The following CYTH1 variants were observed in gnomAD, a reference collection of about 807,000 sequenced individuals.
CYTH1 encodes the protein cytohesin 1.
A neutral mutation model predicts 61.8 loss-of-function variants in CYTH1; 18 were observed. The observed-to-expected ratio is 0.29, with a 90% CI of 0.20 to 0.43. The LOEUF (loss-of-function observed/expected upper bound fraction) is 0.43. Among genes scored for constraint, CYTH1 ranks in the 20% least tolerant of loss-of-function variants. The probability of loss-of-function intolerance (pLI) is 1.00; values close to 1 mark genes in which losing one functional copy is unlikely to be tolerated. For missense variants in CYTH1, 336 were observed against 510.5 expected, an observed-to-expected ratio of 0.66 and a Z score of 3.29; for synonymous variants, 174 against 184.3, an observed-to-expected ratio of 0.94 and a Z score of 0.45.
chr17:78,679,579 G>C (rs11657360), intron 13 of CYTH1, among the ~76,000 whole-genome samples: 83,830 of 151,972 alleles, frequency 0.55, 23,183 homozygotes, highest in East Asian at 0.61. Flanking sequence ...CTTGTCACAT[G>C]AGGAAATTTC....
chr17:78,726,002 C>T (rs951608380), intron 1 of CYTH1, among the ~76,000 whole-genome samples: 2 of 151,002 alleles, frequency 1.3e-5, no homozygotes, highest in Admixed American at 1.3e-4. Context: ...AAAACATGAA[C>T]GTTTTAAAAA....
In CYTH1 at chr17:78,682,338, A is replaced by C. The variant is rs28648468; in HGVS notation, c.892-1296T>G. Among the ~76,000 whole-genome samples the C allele has an allele frequency of 3.9e-3, 589 of 152,282 alleles. 3 individuals carry two copies. Among genetic ancestry groups the C allele is most frequent in the African/African-American group, 0.013 (552 of 41,558 alleles). Reference sequence around the variant, plus strand: ...ACCTCTTATCAAAATCTCCTTGCTAATGCTAATTTGTATCAGGCATCCTAT... The same window carrying C: ...ACCTCTTATCAAAATCTCCTTGCTACTGCTAATTTGTATCAGGCATCCTAT... On this transcript the variant is annotated intron_variant, in intron 11 of 13. Coordinates refer to ENST00000446868, the MANE Select transcript of CYTH1 (RefSeq NM_004762.6).
chr17:78,724,026 C>G (rs927336556), intron 1 of CYTH1: 2 of 152,290 alleles, frequency 1.3e-5, no homozygotes, highest in African/African-American at 4.8e-5. Context: ...GCCTCCTACT[C>G]AGTACACTCG....
Position 78,782,102 on chromosome 17 carries a change from C to G in CYTH1, c.22+100G>C, listed in dbSNP as rs907892352. On this transcript the variant is annotated intron_variant, in intron 1 of 13. Coordinates refer to ENST00000446868, the MANE Select transcript of CYTH1 (RefSeq NM_004762.6). ...GGGCTCCGCGTCCCGCACCAGTGTC[C>G]CCGGGAAACGCCAGCCGCCGCAAGC... The G allele has an allele frequency of 7.7e-5, 83 of 1,083,622 alleles. No individual in the cohort carries two copies. The African/African-American group carries it at 1.3e-3, about 17-fold the overall frequency. The allele number at this position is 1,083,622 out of a possible 1,614,324, so 67.1% of individuals were successfully genotyped here.
intron 11 of CYTH1, 158 bp from the exon 12 acceptor site, chr17:78,681,200 A>G (rs1234080605): frequency 7.4e-6 from 5 of 671,308 alleles, no homozygotes; most frequent in Non-Finnish European, 1.0e-5. Context: ...AAACAAGAAT[A>G]ACACCAAAAA....
At position 78,782,182 on chromosome 17, in the gene CYTH1, C is replaced by T. The variant is rs2093521773; in HGVS notation, c.22+20G>A. ...TGGGGGACAGCGAGGGGGAAGCGTCCGCCGCCGGGGCGCACTGACCGTAGC... is the reference window on the plus strand; with the variant it reads ...TGGGGGACAGCGAGGGGGAAGCGTCTGCCGCCGGGGCGCACTGACCGTAGC... On this transcript the variant is annotated intron_variant, in intron 1 of 13. Transcript: ENST00000446868. 2 of 1,360,820 alleles carry T rather than the reference C, an allele frequency of 1.5e-6. No homozygotes were observed. Among genetic ancestry groups the T allele is most frequent in the Non-Finnish European group, 9.6e-7 (1 of 1,042,486 alleles). The allele number at this position is 1,360,820 out of a possible 1,614,324, so 84.3% of individuals were successfully genotyped here.
intron 1 of CYTH1, among the ~76,000 whole-genome samples, chr17:78,772,233 G>C (rs925320608): frequency 2.0e-5 from 3 of 152,042 alleles, no homozygotes; most frequent in Admixed American, 2.0e-4. Flanking sequence ...AAGCAGACTC[G>C]ACCAGACTCG....
intron 1 of CYTH1, among the ~76,000 whole-genome samples, chr17:78,758,904 G>A (rs1179693150): frequency 1.3e-5 from 2 of 151,998 alleles, no homozygotes; most frequent in Non-Finnish European, 2.9e-5. Flanking sequence ...TGTGCGATGT[G>A]TACTAATCTG....
At chr17:78,741,854 G>A (rs1280357495) in intron 1 of CYTH1, among the ~76,000 whole-genome samples, 1 of 152,188 alleles carries the variant, frequency 6.6e-6, no homozygotes, top group East Asian at 1.9e-4. Flanking sequence ...AGGAAGTAGA[G>A]CTGGAGGCAA....
At chr17:78,763,012 TGTCC>T (rs1443977986) in intron 1 of CYTH1, among the ~76,000 whole-genome samples, 1 of 152,164 alleles carries the variant, frequency 6.6e-6, no homozygotes, top group East Asian at 1.9e-4. Flanking sequence ...ACAATGGAAA[TGTCC>T]GTCCGGCTGC....
In CYTH1 at chr17:78,700,084, T is replaced by C. The variant is rs986296580; in HGVS notation, c.550+247A>G. 1.3e-5 allele frequency among the ~76,000 whole-genome samples: 2 copies of C among 152,210 alleles called. No individual in the cohort carries two copies. The highest frequency in any genetic ancestry group is 2.9e-5 in the Non-Finnish European group (2 of 68,036). On this transcript the variant is annotated intron_variant, in intron 7 of 13. Coordinates refer to ENST00000446868, the MANE Select transcript of CYTH1 (RefSeq NM_004762.6). This position sits in a 1 kb window ranked among gnomAD's most constrained non-coding sequence, Gnocchi z 5.1. The stretch of plus-strand genomic sequence containing the variant: ...TGCTGACATTACCAGTGTGAGCCAC[T>C]GCATGCAGCTAAAACATGGTTTTTA...
At chr17:78,771,728 T>C (rs1344292502) in intron 1 of CYTH1, among the ~76,000 whole-genome samples, 1 of 145,344 alleles carries the variant, frequency 6.9e-6, no homozygotes, top group Non-Finnish European at 1.5e-5. Context: ...AGATTCCATC[T>C]TAAAAAAAAA....
intron 1 of CYTH1, among the ~76,000 whole-genome samples, chr17:78,738,366 C>G (rs1286604271): frequency 1.3e-5 from 2 of 152,198 alleles, no homozygotes; most frequent in African/African-American, 4.8e-5. Flanking sequence ...TCCTCCGCAC[C>G]CTGCTCTCTG....
intron 1 of CYTH1, among the ~76,000 whole-genome samples, chr17:78,774,836 T>C (rs1250295012): frequency 6.6e-6 from 1 of 152,202 alleles, no homozygotes; most frequent in Non-Finnish European, 1.5e-5. Flanking sequence ...ACATGTGAAA[T>C]GTTCCCAAAT....
At chr17:78,722,726 A>G (rs997958515) in intron 1 of CYTH1, among the ~76,000 whole-genome samples, 2 of 152,166 alleles carry the variant, frequency 1.3e-5, no homozygotes, top group Non-Finnish European at 2.9e-5. Context: ...ATTCTCCCTC[A>G]GTCTGACAGC....
chr17:78,753,821 T>C (rs1176485109), intron 1 of CYTH1, among the ~76,000 whole-genome samples: 1 of 152,218 alleles, frequency 6.6e-6, no homozygotes, highest in Non-Finnish European at 1.5e-5. Context: ...AATTAAAATC[T>C]TAGTTCCAAA....
intron 1 of CYTH1, among the ~76,000 whole-genome samples, chr17:78,776,658 C>CAAAAAA (rs1179473215): frequency 2.3e-5 from 2 of 88,336 alleles, no homozygotes; most frequent in East Asian, 6.0e-4. Flanking sequence ...GACTCTGTCT[C>CAAAAAA]AAAAAAAAAA....
intron 1 of CYTH1, among the ~76,000 whole-genome samples, chr17:78,774,133 T>C (rs7220565): frequency 0.019 from 2,959 of 152,352 alleles, 93 homozygotes; most frequent in African/African-American, 0.066. Context: ...CGTGTACTGA[T>C]ACATTGCTAA....
Position 78,698,832 on chromosome 17 carries a change from C to T in CYTH1, c.687G>A (p.Glu229=), listed in dbSNP as rs1339878221. ...RGINDGGDLP[E]ELLRNLYESI... is the part of the protein sequence containing the mutation. Reference sequence around the variant, plus strand: ...CTTCCTTGCTTACCCGGAGGAGCTCCTCCGGCAGGTCTCCCCCATCATTGA... The same window carrying T: ...CTTCCTTGCTTACCCGGAGGAGCTCTTCCGGCAGGTCTCCCCCATCATTGA... Residue 229 remains glutamate, a synonymous_variant, in exon 8 of 14, where the codon GAG becomes GAA. Coordinates refer to ENST00000446868, the MANE Select transcript of CYTH1 (RefSeq NM_004762.6). 1.3e-6 allele frequency: 2 copies of T among 1,583,660 alleles called. No individual in the cohort carries two copies.
Sources: gnomAD v4.1 joint callset for allele counts (sites outside exome capture counted in the v4.1 genomes callset) on GRCh38, gnomAD v4.1.1 for gene constraint, Gnocchi (gnomAD v3.1) non-coding constraint, MANE v1.5 for transcripts, NCBI Gene and HGNC (gene_info 2026-07-23, HGNC 2026-07-21) for gene names.